Variants in ATG13 observed in about 807,000 individuals in gnomAD.
ATG13 encodes autophagy related 13.
In ATG13, 23 loss-of-function variants were observed where a neutral mutation model predicts 65.5. That is an observed-to-expected ratio of 0.35 (90% confidence interval 0.25 to 0.50). The LOEUF (loss-of-function observed/expected upper bound fraction) is 0.50. Among genes scored for constraint, ATG13 ranks in the 20% least tolerant of loss-of-function variants. The pLI is 0.98. For synonymous variants in ATG13, 252 were observed against 245.2 expected (o/e 1.03, Z -0.26); for missense variants, 566 against 677.0 (o/e 0.84, Z 1.82).
intron 18 of ATG13, among the ~76,000 whole-genome samples, chr11:46,669,988 A>C (rs1390417033): frequency 6.6e-6 from 1 of 152,052 alleles, no homozygotes; most frequent in Non-Finnish European, 1.5e-5. Context: ...TACTGATTAT[A>C]ATGACCCCAT....
intron 7 of ATG13, among the ~76,000 whole-genome samples, chr11:46,653,999 A>G (rs867455255): frequency 6.6e-6 from 1 of 151,992 alleles, no homozygotes; most frequent in Non-Finnish European, 1.5e-5. Context: ...TTTTGCTAAT[A>G]TAGACTGGCC....
Position 46,617,786 on chromosome 11 carries a change from G to A in ATG13, c.-174G>A. 2.5e-6 allele frequency: 1 copy of A among 399,264 alleles called. No homozygotes were observed. The highest frequency in any genetic ancestry group is 4.4e-6 in the Non-Finnish European group (1 of 226,248). 24.7% of individuals were successfully genotyped at this position (399,264 alleles called of 1,614,324 possible). On this transcript the variant is annotated 5_prime_UTR_variant, in exon 1 of 19. Transcript: ENST00000683050. ...ATCGGCGACGTGTACGGTCACTGCA[G>A]CTCCGGAGCGCGGAACCCTCAGCCA...
At position 46,656,289 on chromosome 11, in the gene ATG13, T is replaced by G; in HGVS notation, c.499+16T>G. On this transcript the variant is annotated intron_variant, in intron 8 of 18. Coordinates refer to ENST00000683050, the MANE Select transcript of ATG13 (RefSeq NM_001346311.2). ...TTAGGAGAAGGTATGTATCAACGGT[T>G]GAAAAACATCGTAGTGTTCAGAGCT... 1 of 1,607,098 alleles carries G rather than the reference T, an allele frequency of 6.2e-7. No homozygotes were observed. Among genetic ancestry groups the G allele is most frequent in the East Asian group, 2.2e-5 (1 of 44,834 alleles).
chr11:46,631,975 CA>C (rs1424831174), intron 2 of ATG13, among the ~76,000 whole-genome samples: 1 of 152,122 alleles, frequency 6.6e-6, no homozygotes, highest in East Asian at 1.9e-4. Flanking sequence ...TTTCTATTTG[CA>C]AAAGTGATGT....
intron 7 of ATG13, among the ~76,000 whole-genome samples, chr11:46,651,999 A>G (rs777737152): frequency 1.8e-4 from 28 of 152,128 alleles, no homozygotes; most frequent in Non-Finnish European, 3.4e-4. Context: ...CTGTAATCCC[A>G]GCACTTTGAG....
At position 46,673,679 on chromosome 11, in the gene ATG13, A is replaced by T. The variant is rs1015746770; in HGVS notation, c.*1347A>T. 8 of 152,198 alleles carry T rather than the reference A, an allele frequency of 5.3e-5. No individual in the cohort carries two copies. The highest frequency in any genetic ancestry group is 5.2e-4 in the Admixed American group (8 of 15,262). The allele number at this position is 152,198 out of a possible 1,614,324, so 9.4% of individuals were successfully genotyped here. On this transcript the variant is annotated 3_prime_UTR_variant, in exon 19 of 19. Coordinates refer to ENST00000683050, the MANE Select transcript of ATG13 (RefSeq NM_001346311.2). ...TGGTTGAGAAATCAAAGCTGGGCGT[A>T]TGATTGACTTAACCCTTCAGGTATT...
At chr11:46,625,045 G>A (rs1417808758) in intron 1 of ATG13, among the ~76,000 whole-genome samples, 1 of 151,794 alleles carries the variant, frequency 6.6e-6, no homozygotes, top group Non-Finnish European at 1.5e-5. Context: ...CACAAGGCCA[G>A]GTTCAGTGGC....
chr11:46,668,599 G>T (rs2062956232), intron 16 of ATG13, 23 bp downstream of exon 16: 1 of 1,605,738 alleles, frequency 6.2e-7, no homozygotes, highest in East Asian at 2.2e-5. Context: ...TTGACTACGA[G>T]TTCCCAGTAG....
chr11:46,657,318 A>T lies in ATG13; in HGVS notation c.596+127A>T, dbSNP rs893949444. The T allele has an allele frequency of 3.0e-6, 3 of 997,186 alleles. No individual in the cohort carries two copies. In the East Asian group the frequency reaches 7.7e-5, roughly 26 times the overall value. The allele number at this position is 997,186 out of a possible 1,614,324, so 61.8% of individuals were successfully genotyped here. ...GCAGTACCTTCAGAAGAATAAAGAG[A>T]GAGTGCAGTTGCCAGATTGGAGAAT... On this transcript the variant is annotated intron_variant, in intron 9 of 18. Transcript: ENST00000683050.
chr11:46,618,699 T>C (rs2046212028), intron 1 of ATG13, among the ~76,000 whole-genome samples: 3 of 152,170 alleles, frequency 2.0e-5, no homozygotes, highest in Admixed American at 2.0e-4. Context: ...TTATGACTGT[T>C]AGTCCTTTTC....
chr11:46,672,753 T>G lies in ATG13; in HGVS notation c.*421T>G. The G allele has an allele frequency of 8.3e-6, 10 of 1,209,674 alleles. No individual in the cohort carries two copies. Among genetic ancestry groups the G allele is most frequent in the Non-Finnish European group, 1.0e-5 (10 of 960,238 alleles). The allele number at this position is 1,209,674 out of a possible 1,614,324, so 74.9% of individuals were successfully genotyped here. ...GACATTCCAGCTGGTGGCCAAGAGA[T>G]TGGTGTGGAGTCGCAGAAAGAGGAA... On this transcript the variant is annotated 3_prime_UTR_variant, in exon 19 of 19. Coordinates refer to ENST00000683050, the MANE Select transcript of ATG13 (RefSeq NM_001346311.2).
chr11:46,672,167 C>T lies in ATG13; in HGVS notation c.1576-88C>T, dbSNP rs944436213. ...CCAGCTAGGGCTGAGCTTCGTCTTG[C>T]TTGCTGCCTCCCCTCTTCGGGACTG... On this transcript the variant is annotated intron_variant, in intron 18 of 18. Transcript: ENST00000683050. 6 of 1,596,694 alleles carry T rather than the reference C, an allele frequency of 3.8e-6. No individual in the cohort carries two copies. The African/African-American group carries it at 8.0e-5, about 21-fold the overall frequency.
chr11:46,633,589 C>T (rs2052773204), intron 2 of ATG13, among the ~76,000 whole-genome samples: 5 of 152,016 alleles, frequency 3.3e-5, no homozygotes, highest in South Asian at 2.1e-4. Context: ...TTAGGTGATC[C>T]GCCTGCCTCT....
At chr11:46,635,432 A>G (rs1313323635) in intron 2 of ATG13, among the ~76,000 whole-genome samples, 1 of 152,232 alleles carries the variant, frequency 6.6e-6, no homozygotes, top group African/African-American at 2.4e-5. Context: ...GCCTGAGTCC[A>G]GGAGTTCAAT....
At chr11:46,665,604 AAG>A in intron 14 of ATG13, 85 bp downstream of exon 14, 1 of 1,515,170 alleles carries the variant, frequency 6.6e-7, no homozygotes, top group East Asian at 2.3e-5. Context: ...AGAATTAGTA[AAG>A]AGTAACTTTC....
At chr11:46,631,523 C>A (rs2051740275) in intron 2 of ATG13, among the ~76,000 whole-genome samples, 1 of 152,174 alleles carries the variant, frequency 6.6e-6, no homozygotes, top group Non-Finnish European at 1.5e-5. Flanking sequence ...TATCTATGGG[C>A]ATTATCTAAC....
At chr11:46,625,600 C>T (rs1256751605) in intron 1 of ATG13, among the ~76,000 whole-genome samples, 1 of 152,130 alleles carries the variant, frequency 6.6e-6, no homozygotes, top group Non-Finnish European at 1.5e-5. Flanking sequence ...TTGCCCATCC[C>T]CCCAGGTGGT....
chr11:46,672,214 C>A (rs754806009), intron 18 of ATG13, 41 bp from the exon 19 acceptor site: 8 of 1,613,844 alleles, frequency 5.0e-6, no homozygotes, highest in Non-Finnish European at 6.8e-6. Flanking sequence ...TCCTCAAGGC[C>A]CTGCCTGAAT....
At chr11:46,665,623 G>T in intron 14 of ATG13, 104 bp downstream of exon 14, 1 of 1,434,224 alleles carries the variant, frequency 7.0e-7, no homozygotes, top group South Asian at 1.3e-5. Flanking sequence ...TTTCAGCATT[G>T]GCTGGGACAT....
Sources: allele counts gnomAD v4.1 joint callset (sites outside exome capture counted in the v4.1 genomes callset), GRCh38; gene constraint gnomAD v4.1.1; transcripts MANE v1.5; gene names NCBI Gene and HGNC (gene_info 2026-07-23, HGNC 2026-07-21).